Variants in SRC observed in about 807,000 individuals in gnomAD.
The protein encoded by SRC is proto-oncogene tyrosine-protein kinase Src.
In SRC, 13 loss-of-function variants were observed where a neutral mutation model predicts 62.9. That is an observed-to-expected ratio of 0.21 (90% CI 0.13 to 0.33). The LOEUF (loss-of-function observed/expected upper bound fraction) is 0.33, where lower values mean the gene tolerates loss of function less well. Among genes scored for constraint, SRC ranks in the 10% least tolerant of loss-of-function variants. SRC has a pLI of 1.00. For missense variants in SRC, 457 were observed against 737.3 expected, an observed-to-expected ratio of 0.62 and a Z score of 4.40; for synonymous variants, 302 against 317.5, an observed-to-expected ratio of 0.95 and a Z score of 0.52.
intron 5 of SRC, among the ~76,000 whole-genome samples, chr20:37,389,333 G>C (rs766096807): frequency 6.6e-6 from 1 of 152,134 alleles, no homozygotes; most frequent in Non-Finnish European, 1.5e-5. Context: ...GCTTCTTTTG[G>C]GAGTTTTCTG....
Position 37,403,411 on chromosome 20 carries a change from T to G in SRC, c.*32T>G. ...GCGGGCCCAGACCGGCTTCTCGGCTTGGATCCTGGGCTGGGTGGCCCCTGT... is the reference window on the plus strand; with the variant it reads ...GCGGGCCCAGACCGGCTTCTCGGCTGGGATCCTGGGCTGGGTGGCCCCTGT... On this transcript the variant is annotated 3_prime_UTR_variant, in exon 14 of 14. Coordinates refer to ENST00000373578, the MANE Select transcript of SRC (RefSeq NM_198291.3). This position sits in a 1 kb window ranked among gnomAD's most constrained non-coding sequence, Gnocchi z 7.1. The G allele has an allele frequency of 6.5e-7, 1 of 1,539,910 alleles. No individual in the cohort carries two copies. The highest frequency in any genetic ancestry group is 2.4e-5 in the East Asian group (1 of 41,698).
At chr20:37,375,811 C>T (rs1025158108) in intron 2 of SRC, among the ~76,000 whole-genome samples, 1 of 152,224 alleles carries the variant, frequency 6.6e-6, no homozygotes, top group African/African-American at 2.4e-5. Flanking sequence ...TTATTTCTCA[C>T]AGCTCTGAAG....
At chr20:37,362,645 A>G (rs963020479) in intron 1 of SRC, among the ~76,000 whole-genome samples, 2 of 149,912 alleles carry the variant, frequency 1.3e-5, no homozygotes, top group Admixed American at 6.6e-5. Context: ...CTGGGGGTTG[A>G]GGCTGTGACC....
chr20:37,393,924 T>G lies in SRC; in HGVS notation c.380T>G (p.Leu127Arg). The change falls in exon 6 of 14, where the codon CTC (leucine) becomes CGC (arginine). Residue 127 changes from leucine (L) to arginine (R), a missense_variant. Physicochemically the swap from Leu to Arg is moderately radical, Grantham distance 102 (BLOSUM62 -2). Coordinates refer to ENST00000373578, the MANE Select transcript of SRC (RefSeq NM_198291.3). Reference protein sequence around the residue: ...TEGDWWLAHSLSTGQTGYIPS... With the variant: ...TEGDWWLAHSRSTGQTGYIPS... ...GGAGACTGGTGGCTGGCCCACTCGC[T>G]CAGCACAGGACAGACAGGCTACATC... 1 of 1,614,018 alleles carries G rather than the reference T, an allele frequency of 6.2e-7. No homozygotes were observed. Among genetic ancestry groups the G allele is most frequent in the Non-Finnish European group, 8.5e-7 (1 of 1,179,968 alleles).
At chr20:37,387,358 C>T (rs561164761) in intron 5 of SRC, among the ~76,000 whole-genome samples, 1 of 152,156 alleles carries the variant, frequency 6.6e-6, no homozygotes, top group South Asian at 2.1e-4. Context: ...CCACCTGTGT[C>T]CTTGTATTGA....
chr20:37,385,991 C>T, intron 4 of SRC, 84 bp from the exon 5 acceptor site: 4 of 1,094,776 alleles, frequency 3.7e-6, no homozygotes. Flanking sequence ...GACAAATCCA[C>T]TCCTCCTGGG....
intron 10 of SRC, 85 bp from the exon 11 acceptor site, chr20:37,401,517 C>A: frequency 1.9e-6 from 2 of 1,053,916 alleles, no homozygotes; most frequent in Non-Finnish European, 2.9e-6. Flanking sequence ...GCAAGGCCAG[C>A]CACCTGGGAG....
chr20:37,396,456 C>T lies in SRC; in HGVS notation c.703+145C>T. 1.0e-6 allele frequency: 1 copy of T among 954,000 alleles called. No homozygotes were observed. The highest frequency in any genetic ancestry group is 1.5e-6 in the Non-Finnish European group (1 of 652,956). 59.1% of individuals were successfully genotyped at this position (954,000 alleles called of 1,614,324 possible). A position where few individuals can be genotyped will look rare whatever the true frequency, so the allele number is the denominator to read the frequency against. On this transcript the variant is annotated intron_variant, in intron 8 of 13. Transcript: ENST00000373578. This position sits in a 1 kb window ranked among gnomAD's most constrained non-coding sequence, Gnocchi z 6.1. ...CCCCTCCCCCCTCCCTTCCTCTCTC[C>T]TCCCTTTTCCCTCCTTTCCTTGTCT...
intron 1 of SRC, among the ~76,000 whole-genome samples, chr20:37,358,975 C>T (rs1191754037): frequency 6.6e-6 from 1 of 152,278 alleles, no homozygotes; most frequent in Non-Finnish European, 1.5e-5. Flanking sequence ...ACTCTTCACT[C>T]ACTCTTTGCT....
rs145947919 is a variant in SRC, at chr20:37,363,940, C to T, written c.-246-1264C>T. Reference sequence around the variant, plus strand: ...CATGGCAGGTGCCTGACAAGTCCTTCGGCTCTCCCATCAGGGAGAGGATGG... The same window carrying T: ...CATGGCAGGTGCCTGACAAGTCCTTTGGCTCTCCCATCAGGGAGAGGATGG... On this transcript the variant is annotated intron_variant, in intron 1 of 13. Transcript: ENST00000373578. Among the ~76,000 whole-genome samples the T allele has an allele frequency of 3.9e-5, 6 of 152,108 alleles. No individual in the cohort carries two copies. The East Asian group carries it at 5.8e-4, about 15-fold the overall frequency.
At chr20:37,389,869 G>C (rs1440928428) in intron 5 of SRC, among the ~76,000 whole-genome samples, 1 of 152,114 alleles carries the variant, frequency 6.6e-6, no homozygotes, top group African/African-American at 2.4e-5. Context: ...TGGGTGGGAA[G>C]GCTTCCCTTC....
chr20:37,350,148 G>C (rs2069781656), intron 1 of SRC, among the ~76,000 whole-genome samples: 1 of 152,074 alleles, frequency 6.6e-6, no homozygotes, highest in African/African-American at 2.4e-5. Context: ...CCCCTCCATG[G>C]CCCCCACCCC....
At position 37,386,160 on chromosome 20, in the gene SRC, G is replaced by C. The variant is rs768964838; in HGVS notation, c.336G>C (p.Gln112His). The change falls in exon 5 of 14, where the codon CAG becomes CAC. Residue 112 changes from glutamine (Q) to histidine (H), a missense_variant. By Grantham distance (24) the Gln-to-His change is conservative (BLOSUM62 0). This residue lies in a region of SRC where 16 missense variants were observed against 45.7 expected (regional missense o/e 0.35). Coordinates refer to ENST00000373578, the MANE Select transcript of SRC (RefSeq NM_198291.3). ...CCTTCAAGAAAGGCGAGCGGCTCCA[G>C]ATTGTCAACAACACGTGAGTGCCCC... ...DLSFKKGERL[Q>H]IVNNTEGDWW... The C allele has an allele frequency of 1.2e-6, 2 of 1,614,208 alleles. No homozygotes were observed. Among genetic ancestry groups the C allele is most frequent in the Non-Finnish European group, 8.5e-7 (1 of 1,180,014 alleles).
At chr20:37,392,027 C>T (rs2070559031) in intron 5 of SRC, among the ~76,000 whole-genome samples, 1 of 152,086 alleles carries the variant, frequency 6.6e-6, no homozygotes, top group African/African-American at 2.4e-5. Flanking sequence ...TGTGGACACC[C>T]CGGGTGGGTG....
intron 2 of SRC, among the ~76,000 whole-genome samples, chr20:37,379,942 TA>T (rs57772720): frequency 0.023 from 1,155 of 51,122 alleles, 2 homozygotes; most frequent in African/African-American, 0.048. Context: ...GAGCTTGGAG[TA>T]AAAAAAAAAA....
Position 37,380,574 on chromosome 20 carries a change from G to A in SRC, c.-172-2045G>A, listed in dbSNP as rs573773125. ...TTAGTCTTTTCAGTGTGGCATTGCA[G>A]GAACAAAGTAGGATGCAAATTATAC... On this transcript the variant is annotated intron_variant, in intron 2 of 13. Transcript: ENST00000373578. 2.0e-4 allele frequency among the ~76,000 whole-genome samples: 31 copies of A among 152,334 alleles called. 1 individual carries two copies. The South Asian group carries it at 3.9e-3, about 19-fold the overall frequency.
In SRC at chr20:37,384,286, G is replaced by A. The variant is rs1406297899; in HGVS notation, c.133G>A (p.Asp45Asn). The A allele has an allele frequency of 6.6e-7, 1 of 1,506,874 alleles. No homozygotes were observed. Among genetic ancestry groups the A allele is most frequent in the South Asian group, 1.2e-5 (1 of 80,850 alleles). The allele number at this position is 1,506,874 out of a possible 1,614,324, so 93.3% of individuals were successfully genotyped here. ...GACCCCCAGCAAGCCAGCCTCGGCCGACGGCCACCGCGGCCCCAGCGCGGC... is the reference window on the plus strand; with the variant it reads ...GACCCCCAGCAAGCCAGCCTCGGCCAACGGCCACCGCGGCCCCAGCGCGGC... ...SQTPSKPASADGHRGPSAAFA... is the reference protein window; with the variant it reads ...SQTPSKPASANGHRGPSAAFA... The change falls in exon 4 of 14, where the codon GAC becomes AAC. Residue 45 changes from aspartate (D) to asparagine (N), a missense_variant. Transcript: ENST00000373578. The surrounding 1 kb of genome is among the most constrained non-coding windows in gnomAD (Gnocchi z 6.7).
rs924730810 is a variant in SRC, at chr20:37,398,044, G to A, written c.859+190G>A. Among the ~76,000 whole-genome samples the A allele has an allele frequency of 1.2e-4, 18 of 152,202 alleles. No homozygotes were observed. Among genetic ancestry groups the A allele is most frequent in the Non-Finnish European group, 4.4e-5 (3 of 68,046 alleles). ...CCACCCAAGCACTGTGCCCCGGACCGTGCAAACCATAGTGCCTGATTCCAA... is the reference window on the plus strand; with the variant it reads ...CCACCCAAGCACTGTGCCCCGGACCATGCAAACCATAGTGCCTGATTCCAA... On this transcript the variant is annotated intron_variant, in intron 9 of 13. Transcript: ENST00000373578. This position sits in a 1 kb window ranked among gnomAD's most constrained non-coding sequence, Gnocchi z 5.2.
intron 7 of SRC, among the ~76,000 whole-genome samples, 177 bp from the exon 8 acceptor site, chr20:37,395,984 TC>T (rs11474889): frequency 0.017 from 2,592 of 152,234 alleles, 33 homozygotes; most frequent in Non-Finnish European, 0.026. Flanking sequence ...GTCTCTTGGG[TC>T]CCTTGGCCCT....
Sources: allele counts gnomAD v4.1 joint callset (sites outside exome capture counted in the v4.1 genomes callset), GRCh38; gene constraint gnomAD v4.1.1; regional missense constraint gnomAD v4.1.1; non-coding constraint Gnocchi (gnomAD v3.1); transcripts MANE v1.5; gene names NCBI Gene and HGNC (gene_info 2026-07-23, HGNC 2026-07-21).